Variants in SHISA9 observed in about 807,000 individuals in gnomAD.
SHISA9 encodes shisa family member 9, also known as protein shisa-9.
Under a neutral mutation model 38.0 loss-of-function variants are expected in SHISA9, and 13 were observed. The ratio of observed to expected loss-of-function variants is 0.34; its 90% CI spans 0.22 to 0.54. The LOEUF is 0.54. Ranked by LOEUF, SHISA9 falls within the 20% of genes least tolerant of loss-of-function variation. The pLI, the probability that SHISA9 is intolerant of heterozygous loss-of-function variation, is 0.91. For missense variants in SHISA9, 538 were observed against 575.8 expected, an observed-to-expected ratio of 0.93 and a Z score of 0.67; for synonymous variants, 275 against 242.0, an observed-to-expected ratio of 1.14 and a Z score of -1.27.
At chr16:13,242,993 C>A (rs188513190), downstream of SHISA9, among the ~76,000 whole-genome samples, 8 of 152,260 alleles carry the variant, frequency 5.3e-5, no homozygotes, top group Admixed American at 4.6e-4. Context: ...GTAATCCCAG[C>A]ACTTTGGGAG....
the SHISA9 span, among the ~76,000 whole-genome samples, chr16:13,351,693 C>T: frequency 6.6e-6 from 1 of 152,212 alleles, no homozygotes; most frequent in Admixed American, 6.5e-5. Flanking sequence ...TATGAATCAT[C>T]CTTTGATCTG....
chr16:13,555,013 G>A, the SHISA9 span, among the ~76,000 whole-genome samples: 2 of 152,170 alleles, frequency 1.3e-5, no homozygotes, highest in African/African-American at 4.8e-5. Context: ...CCCTTTTGAC[G>A]TTCAAGGCAA....
At chr16:12,927,047 G>C (rs981630030) in intron 2 of SHISA9, among the ~76,000 whole-genome samples, 5 of 152,112 alleles carry the variant, frequency 3.3e-5, no homozygotes, top group African/African-American at 1.2e-4. Context: ...TTTTCAGTCA[G>C]CCTGCTGTTC....
chr16:13,347,839 A>C, the SHISA9 span, among the ~76,000 whole-genome samples: 4 of 68,096 alleles, frequency 5.9e-5, no homozygotes, highest in African/African-American at 1.5e-4. Context: ...AGAATAACGT[A>C]CCCCCCCACA....
At chr16:12,970,438 T>C (rs867221036) in intron 2 of SHISA9, among the ~76,000 whole-genome samples, 867 of 54,700 alleles carry the variant, frequency 0.016, 62 homozygotes, top group African/African-American at 0.062. Context: ...TATATATATA[T>C]ACACACATAT....
At chr16:13,481,011 A>G in the SHISA9 span, among the ~76,000 whole-genome samples, 2 of 152,200 alleles carry the variant, frequency 1.3e-5, no homozygotes, top group Admixed American at 1.3e-4. Context: ...ATTAGGAACC[A>G]CCCTAATCTT....
the SHISA9 span, among the ~76,000 whole-genome samples, chr16:13,427,316 C>G: frequency 6.6e-6 from 1 of 152,198 alleles, no homozygotes; most frequent in African/African-American, 2.4e-5. Flanking sequence ...AGGCGCTTAT[C>G]CAAGGTTATG....
chr16:13,094,127 G>A (rs1363957687), intron 2 of SHISA9, among the ~76,000 whole-genome samples: 4 of 152,046 alleles, frequency 2.6e-5, no homozygotes, highest in African/African-American at 9.7e-5. Context: ...AAAGACGTTG[G>A]GAAAGAAAAG....
the SHISA9 span, among the ~76,000 whole-genome samples, chr16:13,408,007 G>A: frequency 1.8e-4 from 28 of 152,134 alleles, no homozygotes; most frequent in Admixed American, 1.8e-3. Context: ...CACATGGTCA[G>A]GGTTCTGGAT....
At chr16:13,519,405 G>A in the SHISA9 span, among the ~76,000 whole-genome samples, 12 of 152,160 alleles carry the variant, frequency 7.9e-5, no homozygotes, top group Admixed American at 7.9e-4. Context: ...CAGCTCAACG[G>A]GTGATGGGTA....
At chr16:13,375,771 A>T in the SHISA9 span, among the ~76,000 whole-genome samples, 10 of 152,208 alleles carry the variant, frequency 6.6e-5, no homozygotes, top group Non-Finnish European at 1.2e-4. Flanking sequence ...ACTAAAGAAG[A>T]CCTAAGTAAG....
chr16:13,047,126 G>A (rs937651835), intron 2 of SHISA9, among the ~76,000 whole-genome samples: 2 of 152,086 alleles, frequency 1.3e-5, no homozygotes, highest in East Asian at 3.9e-4. Context: ...TTCCTTAAGG[G>A]TCTCCCCAGT....
the SHISA9 span, among the ~76,000 whole-genome samples, chr16:13,486,683 T>C: frequency 6.6e-6 from 1 of 152,138 alleles, no homozygotes; most frequent in Non-Finnish European, 1.5e-5. Flanking sequence ...GGATCTGCAA[T>C]AATCCTCTCT....
At chr16:13,127,254 A>G in intron 2 of SHISA9, among the ~76,000 whole-genome samples, 1 of 114,858 alleles carries the variant, frequency 8.7e-6, no homozygotes, top group Non-Finnish European at 1.7e-5. Flanking sequence ...AGGGAGAGAG[A>G]GGGAGGTGGG....
At chr16:13,020,046 TG>T (rs1302183825) in intron 2 of SHISA9, among the ~76,000 whole-genome samples, 2 of 144,246 alleles carry the variant, frequency 1.4e-5, no homozygotes, top group Non-Finnish European at 3.0e-5. Context: ...TCTTTTTTTT[TG>T]ACAGAGTCTT....
chr16:13,080,126 C>G (rs1022554081), intron 2 of SHISA9, among the ~76,000 whole-genome samples: 1 of 152,138 alleles, frequency 6.6e-6, no homozygotes, highest in South Asian at 2.1e-4. Flanking sequence ...GTAATCCCAG[C>G]ACTTTGGGAG....
In SHISA9 at chr16:13,078,522, C is replaced by T. The variant is rs8056152; in HGVS notation, c.692-124872C>T. Reference sequence around the variant, plus strand: ...TGGGGTTTAAGAGATTCTCCTGCCTCAGCCACTGGAGTAGCTGGGATTACA... The same window carrying T: ...TGGGGTTTAAGAGATTCTCCTGCCTTAGCCACTGGAGTAGCTGGGATTACA... On this transcript the variant is annotated intron_variant, in intron 2 of 4. Coordinates refer to ENST00000558583, the MANE Select transcript of SHISA9 (RefSeq NM_001145204.3). Among the ~76,000 whole-genome samples, 1,240 of 152,208 alleles carry T rather than the reference C, an allele frequency of 8.1e-3. 15 individuals carry two copies. Among genetic ancestry groups the T allele is most frequent in the African/African-American group, 0.027 (1,115 of 41,510 alleles).
At chr16:13,342,698 C>T in the SHISA9 span, among the ~76,000 whole-genome samples, 1 of 152,188 alleles carries the variant, frequency 6.6e-6, no homozygotes, top group African/African-American at 2.4e-5. Flanking sequence ...TCACTTTCCC[C>T]ACATTCGGTA....
intron 2 of SHISA9, among the ~76,000 whole-genome samples, chr16:13,198,410 A>T (rs1024276428): frequency 1.3e-5 from 2 of 152,208 alleles, no homozygotes; most frequent in African/African-American, 4.8e-5. Flanking sequence ...GTATGTACAT[A>T]TGCATACATA....
Sources: allele counts gnomAD v4.1 joint callset (sites outside exome capture counted in the v4.1 genomes callset), GRCh38; gene constraint gnomAD v4.1.1; transcripts MANE v1.5; gene names NCBI Gene and HGNC (gene_info 2026-07-23, HGNC 2026-07-21).